The following FGFR2 variants were observed in gnomAD, a reference collection of about 807,000 sequenced individuals.
FGFR2 encodes BEK fibroblast growth factor receptor.
FGFR2 carries 19 observed loss-of-function variants against 95.9 expected under a neutral mutation model. The ratio of observed to expected loss-of-function variants is 0.20; its 90% confidence interval spans 0.14 to 0.29. The LOEUF (loss-of-function observed/expected upper bound fraction) is 0.29, where lower values mean the gene tolerates loss of function less well. Among genes scored for constraint, FGFR2 ranks in the 10% least tolerant of loss-of-function variants. The pLI is 1.00. For missense variants in FGFR2, 707 were observed against 1,056.9 expected (o/e 0.67, Z 4.59); for synonymous variants, 392 against 393.3 (o/e 1.00, Z 0.04).
chr10:121,566,023 C>G, intron 2 of FGFR2: 1 of 454,086 alleles, frequency 2.2e-6, no homozygotes, highest in Non-Finnish European at 4.1e-6. Context: ...CGTGCTTGCA[C>G]TGTAATACCT....
At chr10:121,497,845 TA>T (rs1847081891) in intron 12 of FGFR2, among the ~76,000 whole-genome samples, 1 of 152,232 alleles carries the variant, frequency 6.6e-6, no homozygotes, top group Non-Finnish European at 1.5e-5. Context: ...CACAAAAGTC[TA>T]AAATATCTAC....
intron 6 of FGFR2, among the ~76,000 whole-genome samples, chr10:121,524,338 T>C (rs1851026700): frequency 1.3e-5 from 2 of 152,212 alleles, no homozygotes; most frequent in South Asian, 4.1e-4. Context: ...TGTTCTGTAA[T>C]AGAAACCTTA....
chr10:121,573,064 G>A (rs1263832591), intron 2 of FGFR2, among the ~76,000 whole-genome samples: 3 of 152,220 alleles, frequency 2.0e-5, no homozygotes, highest in African/African-American at 4.8e-5. Flanking sequence ...GTTTGGAAAC[G>A]GTAAGCTATT....
chr10:121,479,642 T>C lies in FGFR2; in HGVS notation c.*215A>G. ...GGGGTTACATGGTGGCTTGTGGCAG[T>C]CCACTGCTCCAGAAACCTTCTTCTC... On this transcript the variant is annotated 3_prime_UTR_variant, in exon 18 of 18. Transcript: ENST00000358487. 6.4e-7 allele frequency: 1 copy of C among 1,551,808 alleles called. No individual in the cohort carries two copies. Among genetic ancestry groups the C allele is most frequent in the Non-Finnish European group, 8.7e-7 (1 of 1,147,020 alleles).
At position 121,566,479 on chromosome 10, in the gene FGFR2, A is replaced by G. The variant is rs41302293; in HGVS notation, c.110-775T>C. Among the ~76,000 whole-genome samples, 356 of 152,226 alleles carry G rather than the reference A, an allele frequency of 2.3e-3. 2 individuals are homozygous for G. Among genetic ancestry groups the G allele is most frequent in the African/African-American group, 8.3e-3 (344 of 41,542 alleles). The stretch of plus-strand genomic sequence containing the variant: ...GTGTGCCCCCGACTCCACACGACAA[A>G]GCTGAGTCCCACCCTGCTCACCAAC... On this transcript the variant is annotated intron_variant, in intron 2 of 17. Transcript: ENST00000358487.
At chr10:121,565,338 G>A in intron 3 of FGFR2, 100 bp downstream of exon 3, 1 of 1,467,032 alleles carries the variant, frequency 6.8e-7, no homozygotes, top group East Asian at 2.3e-5. Context: ...TGTATGCCTG[G>A]CATCCAATTA....
In FGFR2 at chr10:121,551,435, T is replaced by G. The variant is rs866357501; in HGVS notation, c.479A>C (p.Glu160Ala). 6.2e-7 allele frequency: 1 copy of G among 1,614,074 alleles called. No individual in the cohort carries two copies. The highest frequency in any genetic ancestry group is 8.5e-7 in the Non-Finnish European group (1 of 1,180,044). The change falls in exon 5 of 18, where the codon GAA becomes GCA. Residue 160 changes from glutamate to alanine, a missense_variant. Glu to Ala is a moderately radical substitution (Grantham distance 107). Transcript: ENST00000358487. ...AGCATGGAGCCGCTTTTCCATCTTT[T>G]CTGTGTTGGTCCAGTATGGTGCTCC... The part of the protein sequence containing the change: ...NKRAPYWTNT[E>A]KMEKRLHAVP...
intron 9 of FGFR2, among the ~76,000 whole-genome samples, chr10:121,507,589 A>G (rs1322030795): frequency 6.6e-6 from 1 of 152,188 alleles, no homozygotes; most frequent in African/African-American, 2.4e-5. Context: ...CTCCATCTCA[A>G]AAAAGAAAAG....
chr10:121,575,625 CGGGT>C (rs1564722072), intron 2 of FGFR2, among the ~76,000 whole-genome samples: 1 of 151,402 alleles, frequency 6.6e-6, no homozygotes. Flanking sequence ...CAGGCCGAGG[CGGGT>C]GGATCACCTG....
chr10:121,526,185 C>A (rs188124111), intron 6 of FGFR2: 2 of 398,574 alleles, frequency 5.0e-6, no homozygotes, highest in Non-Finnish European at 4.4e-6. Context: ...CTCTTAGCAA[C>A]GCCAAAGAGC....
At chr10:121,563,771 G>C (rs1431888309) in intron 4 of FGFR2, among the ~76,000 whole-genome samples, 2 of 152,206 alleles carry the variant, frequency 1.3e-5, no homozygotes, top group Non-Finnish European at 2.9e-5. Flanking sequence ...AGGTTGCCCA[G>C]CTCCAAGAGG....
rs1265366960 is a variant in FGFR2, at chr10:121,503,857, G to A, written c.1372C>T (p.Pro458Ser). The A allele has an allele frequency of 6.2e-7, 1 of 1,614,130 alleles. No individual in the cohort carries two copies. The highest frequency in any genetic ancestry group is 8.5e-7 in the Non-Finnish European group (1 of 1,180,016). ...TACTCGGAGACCCCTGCCAGCATGG[G>A]GGTGTCTGCCGTTGAAGAGAGGCGT... The part of the protein sequence containing the change: ...TTRLSSTADT[P>S]MLAGVSEYEL... Residue 458 changes from proline (P) to serine (S), a missense_variant, in exon 10 of 18, where the codon CCC becomes TCC. Physicochemically the swap from Pro to Ser is moderately conservative, Grantham distance 74. Around this residue, in one of 7 missense-constraint regions of FGFR2, gnomAD observed 194 missense variants for 267.3 expected, o/e 0.73. Coordinates refer to ENST00000358487, the MANE Select transcript of FGFR2 (RefSeq NM_000141.5).
At chr10:121,508,131 C>T (rs910158638) in intron 9 of FGFR2, among the ~76,000 whole-genome samples, 3 of 152,152 alleles carry the variant, frequency 2.0e-5, no homozygotes, top group Non-Finnish European at 1.5e-5. Flanking sequence ...TTGGTATATT[C>T]GGGGTTGTTA....
At chr10:121,542,437 C>T (rs1329700603) in intron 5 of FGFR2, among the ~76,000 whole-genome samples, 2 of 152,110 alleles carry the variant, frequency 1.3e-5, no homozygotes, top group East Asian at 3.9e-4. Context: ...TCAATAGTAG[C>T]TACCCCCTGC....
rs572077732 is a variant in FGFR2 at position 121,499,825 on chromosome 10, T to C, written c.1561+1001A>G. On this transcript the variant is annotated intron_variant, in intron 11 of 17. Transcript: ENST00000358487. The stretch of plus-strand genomic sequence containing the variant: ...CAAGGTGGGGAACATCTCAAAGCAC[T>C]CTAGTTTTCCTTGGGAGTCACTCAG... Among the ~76,000 whole-genome samples, 95 of 152,330 alleles carry C rather than the reference T, an allele frequency of 6.2e-4. 2 individuals carry two copies. In the South Asian group the frequency reaches 0.012, roughly 20 times the overall value.
At chr10:121,484,924 T>A (rs1358512001) in intron 16 of FGFR2, among the ~76,000 whole-genome samples, 1 of 152,148 alleles carries the variant, frequency 6.6e-6, no homozygotes, top group African/African-American at 2.4e-5. Context: ...AAACACCGAT[T>A]CTCTACTGGC....
intron 2 of FGFR2, among the ~76,000 whole-genome samples, chr10:121,572,341 C>T (rs549400531): frequency 2.0e-5 from 3 of 152,036 alleles, no homozygotes; most frequent in African/African-American, 7.2e-5. Context: ...AATAAGTAGC[C>T]CAGGCACAGT....
At chr10:121,543,687 C>T (rs1854089034) in intron 5 of FGFR2, among the ~76,000 whole-genome samples, 1 of 152,204 alleles carries the variant, frequency 6.6e-6, no homozygotes, top group African/African-American at 2.4e-5. Flanking sequence ...GATGTGGAGG[C>T]AAACACCTGT....
At chr10:121,590,391 TATA>T (rs1268626391) in intron 2 of FGFR2, among the ~76,000 whole-genome samples, 1 of 152,114 alleles carries the variant, frequency 6.6e-6, no homozygotes, top group Non-Finnish European at 1.5e-5. Context: ...TTCAAATATT[TATA>T]ATGTTAATCA....
Sources: gnomAD v4.1 joint callset for allele counts (sites outside exome capture counted in the v4.1 genomes callset) on GRCh38, gnomAD v4.1.1 for gene constraint, gnomAD v4.1.1 regional missense constraint, MANE v1.5 for transcripts, NCBI Gene and HGNC (gene_info 2026-07-23, HGNC 2026-07-21) for gene names.